SNX27: variants seen among roughly 807,000 people sequenced by gnomAD.
The protein encoded by SNX27 is sorting nexin 27.
In SNX27, 22 loss-of-function variants were observed where a neutral mutation model predicts 71.6. The ratio of observed to expected loss-of-function variants is 0.31; its 90% CI spans 0.22 to 0.44. The LOEUF (loss-of-function observed/expected upper bound fraction) is 0.44. SNX27 is among the 20% of genes least tolerant of loss of function. The pLI is 1.00. For synonymous variants in SNX27, 269 were observed against 277.2 expected (o/e 0.97, Z 0.29); for missense variants, 531 against 698.6 (o/e 0.76, Z 2.70).
chr1:151,649,480 G>T (rs1328329149), intron 2 of SNX27, among the ~76,000 whole-genome samples: 1 of 152,050 alleles, frequency 6.6e-6, no homozygotes, highest in Non-Finnish European at 1.5e-5. Context: ...TTACTTGGGA[G>T]GCTGAGGCAG....
intron 2 of SNX27, among the ~76,000 whole-genome samples, chr1:151,644,312 A>G (rs995265218): frequency 2.0e-5 from 3 of 152,162 alleles, no homozygotes; most frequent in Admixed American, 6.5e-5. Context: ...ATCCCCTCCA[A>G]TTCTAGGAAA....
At chr1:151,636,840 CCTTA>C (rs1249269086) in intron 1 of SNX27, among the ~76,000 whole-genome samples, 1 of 151,976 alleles carries the variant, frequency 6.6e-6, no homozygotes, top group Non-Finnish European at 1.5e-5. Context: ...TTTGCCAGTT[CCTTA>C]CTTAAGATTT....
chr1:151,668,376 A>G (rs1670306972), intron 6 of SNX27, 96 bp from the exon 7 acceptor site: 1 of 1,144,000 alleles, frequency 8.7e-7, no homozygotes, highest in Non-Finnish European at 1.2e-6. Flanking sequence ...CTGGTTAATG[A>G]TAACATACCA....
Position 151,645,511 on chromosome 1 carries a change from C to A in SNX27, c.543+6392C>A, listed in dbSNP as rs138329592. Among the ~76,000 whole-genome samples the A allele has an allele frequency of 2.6e-4, 39 of 152,292 alleles. 1 individual carries two copies. In the East Asian group the frequency reaches 6.6e-3, roughly 26 times the overall value. ...GCTGTGTCGCCTTCTGTGGGTTAAA[C>A]TTCAAATCTCAGTTTAATTCTTTCA... On this transcript the variant is annotated intron_variant, in intron 2 of 11. Coordinates refer to ENST00000458013, the MANE Select transcript of SNX27 (RefSeq NM_001330723.2).
At chr1:151,631,167 TGGA>T in intron 1 of SNX27, among the ~76,000 whole-genome samples, 1 of 152,354 alleles carries the variant, frequency 6.6e-6, no homozygotes, top group Middle Eastern at 3.4e-3. Context: ...TACATTTTGG[TGGA>T]GTAGTTCCTT....
intron 1 of SNX27, among the ~76,000 whole-genome samples, chr1:151,627,024 T>G (rs888688625): frequency 1.3e-5 from 2 of 152,188 alleles, no homozygotes; most frequent in Non-Finnish European, 2.9e-5. Flanking sequence ...TTCTGGGCAT[T>G]AGGGTGTGGT....
At chr1:151,683,287 TTTTCA>T in intron 7 of SNX27, 64 bp from the exon 8 acceptor site, 1 of 1,305,842 alleles carries the variant, frequency 7.7e-7, no homozygotes, top group Non-Finnish European at 1.1e-6. Flanking sequence ...TCTGTGTCTG[TTTTCA>T]TCGAGAATGT....
chr1:151,672,877 T>G (rs187194038), intron 7 of SNX27, among the ~76,000 whole-genome samples: 1 of 151,930 alleles, frequency 6.6e-6, no homozygotes, highest in Non-Finnish European at 1.5e-5. Context: ...CTTTTTTTTT[T>G]CTTAATCTGG....
intron 10 of SNX27, 140 bp from the exon 11 acceptor site, chr1:151,693,284 C>G: frequency 1.0e-6 from 1 of 966,800 alleles, no homozygotes; most frequent in Non-Finnish European, 1.6e-6. Flanking sequence ...ATGAACCAGG[C>G]CTGGGTTTTA....
chr1:151,663,599 C>A (rs1296523178), intron 5 of SNX27, among the ~76,000 whole-genome samples: 1 of 151,936 alleles, frequency 6.6e-6, no homozygotes, highest in African/African-American at 2.4e-5. Flanking sequence ...CTGGTGGTGT[C>A]ATTTAATAAT....
chr1:151,685,294 G>C (rs1671142579), intron 8 of SNX27: 1 of 152,134 alleles, frequency 6.6e-6, no homozygotes, highest in South Asian at 2.1e-4. Context: ...TTCTTTAGTA[G>C]TGATTCTGAT....
chr1:151,624,533 G>A (rs1473134674), intron 1 of SNX27, among the ~76,000 whole-genome samples: 1 of 149,952 alleles, frequency 6.7e-6, no homozygotes, highest in African/African-American at 2.4e-5. Flanking sequence ...CTGGGTTCAA[G>A]CAATTCTCTG....
At chr1:151,665,215 G>A (rs569812437) in intron 5 of SNX27, among the ~76,000 whole-genome samples, 113 of 152,236 alleles carry the variant, frequency 7.4e-4, no homozygotes, top group African/African-American at 2.6e-3. Flanking sequence ...GTATGTAATT[G>A]TCATTTATTT....
rs544723134 is a variant in SNX27 at position 151,674,975 on chromosome 1, C to T, written c.1149+6340C>T. On this transcript the variant is annotated intron_variant, in intron 7 of 11. Coordinates refer to ENST00000458013, the MANE Select transcript of SNX27 (RefSeq NM_001330723.2). ...TGCTGGGATTACAGGTGTGAGCCAC[C>T]GCGCCCGGCACTGATTGTTTCTTAA... Among the ~76,000 whole-genome samples, 426 of 152,178 alleles carry T rather than the reference C, an allele frequency of 2.8e-3. 1 individual carries two copies. Among genetic ancestry groups the T allele is most frequent in the African/African-American group, 9.5e-3 (395 of 41,506 alleles).
In SNX27 at chr1:151,694,472, T is replaced by A. The variant is rs894637922; in HGVS notation, c.*55T>A. 212 of 1,502,684 alleles carry A rather than the reference T, an allele frequency of 1.4e-4. No individual in the cohort carries two copies. The highest frequency in any genetic ancestry group is 2.4e-5 in the Non-Finnish European group (27 of 1,111,902). The allele number at this position is 1,502,684 out of a possible 1,614,324, so 93.1% of individuals were successfully genotyped here. ...CCCCCATCCTCTTACTCCTTTCATG[T>A]CCCATTTCAGACAGAGTAACCATTA... is the stretch of plus-strand genomic sequence containing the variant. On this transcript the variant is annotated 3_prime_UTR_variant, in exon 12 of 12. Transcript: ENST00000458013.
intron 1 of SNX27, among the ~76,000 whole-genome samples, chr1:151,630,806 G>A (rs1330248683): frequency 1.3e-5 from 2 of 152,186 alleles, no homozygotes; most frequent in Non-Finnish European, 2.9e-5. Flanking sequence ...GGCCGAGGTG[G>A]GTGGATCACG....
At chr1:151,647,992 TA>T (rs923467531) in intron 2 of SNX27, among the ~76,000 whole-genome samples, 209 of 146,642 alleles carry the variant, frequency 1.4e-3, no homozygotes, top group African/African-American at 2.0e-3. Context: ...TTTAAGAAGT[TA>T]AAAAAAAAAA....
At chr1:151,618,020 T>A (rs1667505567) in intron 1 of SNX27, among the ~76,000 whole-genome samples, 2 of 151,056 alleles carry the variant, frequency 1.3e-5, no homozygotes. Context: ...CACACCTGGC[T>A]AATTTTTTTG....
chr1:151,616,172 T>G (rs1374873663), intron 1 of SNX27, among the ~76,000 whole-genome samples: 1 of 152,216 alleles, frequency 6.6e-6, no homozygotes, highest in South Asian at 2.1e-4. Context: ...AAAGAATGCT[T>G]TCAACAAACA....
Sources: gnomAD v4.1 joint callset for allele counts (sites outside exome capture counted in the v4.1 genomes callset) on GRCh38, gnomAD v4.1.1 for gene constraint, MANE v1.5 for transcripts, NCBI Gene and HGNC (gene_info 2026-07-23, HGNC 2026-07-21) for gene names.